The following DUOXA2 variants were observed in gnomAD, a reference collection of about 807,000 sequenced individuals.
DUOXA2 encodes dual oxidase maturation factor 2.
Under a neutral mutation model 27.6 loss-of-function variants are expected in DUOXA2, and 22 were observed. That is an observed-to-expected ratio of 0.80 (90% CI 0.57 to 1.14). DUOXA2 has a LOEUF of 1.14. Ranked by LOEUF, DUOXA2 falls within the 50% of genes most tolerant of loss-of-function variation. The pLI, the probability that DUOXA2 is intolerant of heterozygous loss-of-function variation, is 0.00. For missense variants in DUOXA2, 481 were observed against 419.9 expected (o/e 1.15, Z -1.27); for synonymous variants, 188 against 184.4 (o/e 1.02, Z -0.16).
intron 1 of DUOXA2, chr15:45,115,335 G>A (rs1472554730): frequency 2.4e-6 from 1 of 420,794 alleles, no homozygotes; most frequent in African/African-American, 2.0e-5. Flanking sequence ...ATCTTAATCT[G>A]TGTTGCTTTC....
chr15:45,118,274 C>T lies in DUOXA2; in HGVS notation c.*365C>T. On this transcript the variant is annotated 3_prime_UTR_variant, in exon 6 of 6. Transcript: ENST00000323030. ...CGCCCTCTAGTGAGGCCGGAGGGAC[C>T]CTACCAGAGCTAGCATCTTTCTGAA... 1 of 1,361,548 alleles carries T rather than the reference C, an allele frequency of 7.3e-7. No individual in the cohort carries two copies. The highest frequency in any genetic ancestry group is 1.9e-5 in the South Asian group (1 of 51,886). The allele number at this position is 1,361,548 out of a possible 1,614,324, so 84.3% of individuals were successfully genotyped here. A position where few individuals can be genotyped will look rare whatever the true frequency, so the allele number is the denominator to read the frequency against.
chr15:45,117,504 T>C (rs376585577), intron 5 of DUOXA2, 199 bp downstream of exon 5: 257 of 1,553,294 alleles, frequency 1.7e-4, no homozygotes, highest in Admixed American at 5.3e-4. Flanking sequence ...TCTTGCCGTG[T>C]TTCATGTAAT....
Position 45,117,827 on chromosome 15 carries a change from G to A in DUOXA2, c.881G>A (p.Gly294Glu), listed in dbSNP as rs753869388. Residue 294 changes from glycine (G) to glutamate (E), a missense_variant, in exon 6 of 6, where the codon GGG (glycine) becomes GAG (glutamate). Transcript: ENST00000323030. ...GCCAAGGACTGCAGCCAGGAGAGAG[G>A]GGGCTCACCTCTTATCCTCGGCGAC... ...QSAKDCSQER[G>E]GSPLILGDPL... The A allele has an allele frequency of 5.0e-6, 8 of 1,613,866 alleles. No homozygotes were observed. In the Admixed American group the frequency reaches 5.0e-5, roughly 10 times the overall value.
intron 1 of DUOXA2, 69 bp downstream of exon 1, chr15:45,114,821 C>G: frequency 6.2e-7 from 1 of 1,609,080 alleles, no homozygotes; most frequent in Non-Finnish European, 8.5e-7. Flanking sequence ...CTGAGGGACC[C>G]AGGACAGGTA....
chr15:45,117,233 T>C lies in DUOXA2; in HGVS notation c.697T>C (p.Cys233Arg), dbSNP rs898587360. ...ALASISSVPL[C>R]PLRLGSSALT... Reference sequence around the variant, plus strand: ...GGCCTCCATCTCTAGCGTGCCGCTCTGCCCGCTCCGCCTAGGCTCCTCCGC... The same window carrying C: ...GGCCTCCATCTCTAGCGTGCCGCTCCGCCCGCTCCGCCTAGGCTCCTCCGC... Residue 233 changes from cysteine to arginine, a missense_variant, in exon 5 of 6, where the codon TGC (cysteine) becomes CGC (arginine). Coordinates refer to ENST00000323030, the MANE Select transcript of DUOXA2 (RefSeq NM_207581.4). 7 of 1,610,438 alleles carry C rather than the reference T, an allele frequency of 4.3e-6. No individual in the cohort carries two copies. The highest frequency in any genetic ancestry group is 5.9e-6 in the Non-Finnish European group (7 of 1,179,682).
At chr15:45,116,431 C>T (rs1418217659) in intron 3 of DUOXA2, 85 bp from the exon 4 acceptor site, 1 of 1,571,538 alleles carries the variant, frequency 6.4e-7, no homozygotes, top group East Asian at 2.2e-5. Flanking sequence ...GCCGAGAGCG[C>T]CACACCCCCA....
intron 3 of DUOXA2, 93 bp from the exon 4 acceptor site, chr15:45,116,423 C>A: frequency 1.9e-6 from 3 of 1,565,970 alleles, no homozygotes; most frequent in Non-Finnish European, 2.6e-6. Context: ...TTTCTCCCGC[C>A]GAGAGCGCCA....
At position 45,118,131 on chromosome 15, in the gene DUOXA2, GCTTCTCC is replaced by G; in HGVS notation, c.*223_*229del. ...ACTGTTTTTCCCATTAATTTTCATGGCTTCTCCGCGCCGGGGTCGCACGTCCTCATGA... is the reference window on the plus strand; with the variant it reads ...ACTGTTTTTCCCATTAATTTTCATGGGCGCCGGGGTCGCACGTCCTCATGA... On this transcript the variant is annotated 3_prime_UTR_variant, in exon 6 of 6. Coordinates refer to ENST00000323030, the MANE Select transcript of DUOXA2 (RefSeq NM_207581.4). The G allele has an allele frequency of 1.2e-5, 18 of 1,441,950 alleles. No individual in the cohort carries two copies. The highest frequency in any genetic ancestry group is 8.2e-5 in the Admixed American group (3 of 36,378). 89.3% of individuals were successfully genotyped at this position (1,441,950 alleles called of 1,614,324 possible). A position where few individuals can be genotyped will look rare whatever the true frequency, so the allele number is the denominator to read the frequency against.
chr15:45,118,108 T>C lies in DUOXA2; in HGVS notation c.*199T>C, dbSNP rs770062169. ...TTTTTTTCTTTTGTTTTTTAAAAAC[T>C]GTTTTTCCCATTAATTTTCATGGCT... On this transcript the variant is annotated 3_prime_UTR_variant, in exon 6 of 6. Transcript: ENST00000323030. 2 of 1,486,936 alleles carry C rather than the reference T, an allele frequency of 1.3e-6. No individual in the cohort carries two copies. Among genetic ancestry groups the C allele is most frequent in the Non-Finnish European group, 1.8e-6 (2 of 1,123,374 alleles). 92.1% of individuals were successfully genotyped at this position (1,486,936 alleles called of 1,614,324 possible).
At position 45,117,120 on chromosome 15, in the gene DUOXA2, A is replaced by G. The variant is rs757006102; in HGVS notation, c.584A>G (p.Asn195Ser). 1.9e-5 allele frequency: 31 copies of G among 1,600,194 alleles called. No individual in the cohort carries two copies. The Admixed American group carries it at 4.8e-4, about 25-fold the overall frequency. Reference protein sequence around the residue: ...WVAFCFWLLSNVLLSTPAPLY... With the variant: ...WVAFCFWLLSSVLLSTPAPLY... ...GCGTTCTGCTTCTGGCTCCTCTCCA[A>G]CGTGCTGCTCTCCACGCCGGCCCCG... Residue 195 changes from asparagine to serine, a missense_variant, in exon 5 of 6, where the codon AAC becomes AGC. Coordinates refer to ENST00000323030, the MANE Select transcript of DUOXA2 (RefSeq NM_207581.4).
intron 4 of DUOXA2, 127 bp downstream of exon 4, chr15:45,116,856 A>G: frequency 8.1e-7 from 1 of 1,229,116 alleles, no homozygotes; most frequent in African/African-American, 1.5e-5. Flanking sequence ...CGGGGTGGGC[A>G]TGACAGCCTC....
In DUOXA2 at chr15:45,117,294, C is replaced by A. The variant is rs376937228; in HGVS notation, c.758C>A (p.Thr253Lys). The change falls in exon 5 of 6, where the codon ACG becomes AAG. Residue 253 changes from threonine to lysine, a missense_variant. Thr to Lys is a moderately conservative substitution (Grantham distance 78). Coordinates refer to ENST00000323030, the MANE Select transcript of DUOXA2 (RefSeq NM_207581.4). Reference protein sequence around the residue: ...TTQYGAAFWVTLATGVLCLFL... With the variant: ...TTQYGAAFWVKLATGVLCLFL... ...CAGTACGGCGCCGCCTTCTGGGTCA[C>A]GCTGGCAACCGGTGAGGACCGAGAG... 2 of 1,595,958 alleles carry A rather than the reference C, an allele frequency of 1.3e-6. No individual in the cohort carries two copies. The highest frequency in any genetic ancestry group is 1.7e-6 in the Non-Finnish European group (2 of 1,169,064).
chr15:45,115,910 C>A, intron 2 of DUOXA2, 54 bp downstream of exon 2: 1 of 1,611,900 alleles, frequency 6.2e-7, no homozygotes, highest in African/African-American at 1.3e-5. Flanking sequence ...AGGAGGTGGG[C>A]AGAGGGCACC....
chr15:45,116,869 G>A (rs928392060), intron 4 of DUOXA2, 140 bp downstream of exon 4: 4 of 1,058,880 alleles, frequency 3.8e-6, no homozygotes, highest in Admixed American at 2.2e-5. Flanking sequence ...ACAGCCTCGC[G>A]GGTTAGAAGA....
chr15:45,116,884 C>T (rs1158744798), intron 4 of DUOXA2, 155 bp downstream of exon 4: 35 of 1,097,154 alleles, frequency 3.2e-5, no homozygotes, highest in Non-Finnish European at 4.3e-5. Context: ...AGAAGATCCA[C>T]GAGATCTGCA....
chr15:45,116,896 A>G (rs1285167903), intron 4 of DUOXA2, 167 bp downstream of exon 4: 9 of 1,074,558 alleles, frequency 8.4e-6, no homozygotes, highest in Non-Finnish European at 1.2e-5. Flanking sequence ...AGATCTGCAC[A>G]GACGGAATCC....
rs1433985636 is a variant in DUOXA2, at chr15:45,117,815, GC to G, written c.871del (p.Gln291ArgfsTer23). The G allele has an allele frequency of 6.2e-7, 1 of 1,613,818 alleles. No homozygotes were observed. The highest frequency in any genetic ancestry group is 1.3e-5 in the African/African-American group (1 of 74,942). On this transcript the variant is annotated frameshift_variant, in exon 6 of 6. Coordinates refer to ENST00000323030, the MANE Select transcript of DUOXA2 (RefSeq NM_207581.4). LOFTEE classifies it low-confidence loss of function (END_TRUNC). ...CTGGACCAAAGCGCCAAGGACTGCA[GC>G]CAGGAGAGAGGGGGCTCACCTCTTA... ...TLLDQSAKDC[S>X]QERGGSPLIL...
Position 45,115,945 on chromosome 15 carries a change from GT to G in DUOXA2, c.205+93del, listed in dbSNP as rs1203001667. ...CTGGGACAATAGGGAACTGGGGTTG[GT>G]TTTCTGCTCCCTCTTCCCACTCTCC... On this transcript the variant is annotated intron_variant, in intron 2 of 5. Coordinates refer to ENST00000323030, the MANE Select transcript of DUOXA2 (RefSeq NM_207581.4). 2.5e-6 allele frequency: 4 copies of G among 1,603,324 alleles called. No homozygotes were observed. The African/African-American group carries it at 5.4e-5, about 21-fold the overall frequency.
At position 45,117,729 on chromosome 15, in the gene DUOXA2, C is replaced by T. The variant is rs1250402730; in HGVS notation, c.783C>T (p.Leu261=). 6.2e-7 allele frequency: 1 copy of T among 1,613,014 alleles called. No individual in the cohort carries two copies. The highest frequency in any genetic ancestry group is 8.5e-7 in the Non-Finnish European group (1 of 1,179,220). The change falls in exon 6 of 6, where the codon CTC becomes CTT. Residue 261 remains leucine (L), a synonymous_variant. Transcript: ENST00000323030. ...WVTLATGVLC[L]FLGGAVVSLQ... ...CCACCGCCACAGGCGTCCTGTGCCTCTTCCTCGGAGGGGCCGTGGTGAGTC... is the reference window on the plus strand; with the variant it reads ...CCACCGCCACAGGCGTCCTGTGCCTTTTCCTCGGAGGGGCCGTGGTGAGTC...
Sources: gnomAD v4.1 joint callset for allele counts on GRCh38, gnomAD v4.1.1 for gene constraint, MANE v1.5 for transcripts, NCBI Gene and HGNC (gene_info 2026-07-23, HGNC 2026-07-21) for gene names.